The following NRG4 variants were observed in gnomAD, a reference collection of about 807,000 sequenced individuals.
NRG4 encodes neuregulin 4, also known as pro-neuregulin-4, membrane-bound isoform.
A neutral mutation model predicts 15.0 loss-of-function variants in NRG4; 10 were observed. The observed-to-expected ratio is 0.67, with a 90% CI of 0.41 to 1.13. The LOEUF is 1.13. NRG4 is among the 50% of genes most tolerant of loss of function. NRG4 has a pLI of 0.00. For synonymous variants in NRG4, 41 were observed against 50.1 expected, an observed-to-expected ratio of 0.82 and a Z score of 0.77; for missense variants, 139 against 140.2, an observed-to-expected ratio of 0.99 and a Z score of 0.04.
chr15:76,023,919 A>C (rs1052399941), intron 5 of NRG4, among the ~76,000 whole-genome samples: 3 of 152,246 alleles, frequency 2.0e-5, no homozygotes, highest in Admixed American at 6.5e-5. Context: ...GCTAAGCATG[A>C]AAGGACTCGG....
intron 3 of NRG4, among the ~76,000 whole-genome samples, chr15:75,993,709 A>T (rs2034113544): frequency 6.6e-6 from 1 of 152,032 alleles, no homozygotes; most frequent in African/African-American, 2.4e-5. Context: ...AAAAAAAAAA[A>T]AATCTGTTTT....
intron 3 of NRG4, among the ~76,000 whole-genome samples, chr15:75,990,376 G>A (rs1026263402): frequency 3.9e-5 from 6 of 152,052 alleles, no homozygotes; most frequent in African/African-American, 1.2e-4. Flanking sequence ...TCTGCACCAC[G>A]GTCCAGAGCG....
intron 3 of NRG4, among the ~76,000 whole-genome samples, chr15:75,989,594 A>G (rs2033930937): frequency 6.6e-6 from 1 of 152,136 alleles, no homozygotes; most frequent in Non-Finnish European, 1.5e-5. Flanking sequence ...TAATTTGTTA[A>G]GCCCATCCAC....
chr15:76,020,175 C>G (rs1450462557), intron 5 of NRG4, among the ~76,000 whole-genome samples: 2 of 152,156 alleles, frequency 1.3e-5, no homozygotes. Flanking sequence ...GCTCCATTGA[C>G]CGACCGTTCC....
chr15:75,944,809 A>G (rs930273575), intron 5 of NRG4, among the ~76,000 whole-genome samples: 2 of 151,894 alleles, frequency 1.3e-5, no homozygotes, highest in Non-Finnish European at 2.9e-5. Flanking sequence ...TGTTGCAGTT[A>G]TTGACTGAGA....
intron 3 of NRG4, among the ~76,000 whole-genome samples, chr15:75,962,897 GA>G (rs1389167577): frequency 1.3e-5 from 2 of 152,124 alleles, no homozygotes; most frequent in Non-Finnish European, 2.9e-5. Context: ...GTTTTAACCA[GA>G]TTTTGTCAAG....
intron 5 of NRG4, among the ~76,000 whole-genome samples, chr15:76,032,143 A>G (rs1371350218): frequency 6.6e-6 from 1 of 152,226 alleles, no homozygotes; most frequent in Non-Finnish European, 1.5e-5. Flanking sequence ...AACCACTTCA[A>G]TAGAGTGTTC....
intron 1 of NRG4, 66 bp from the exon 2 acceptor site, chr15:76,011,352 C>A: frequency 2.5e-6 from 2 of 791,924 alleles, no homozygotes; most frequent in Middle Eastern, 2.9e-4. Flanking sequence ...TATAAAATGT[C>A]AAATATTCTA....
At chr15:75,971,729 G>A (rs2033101006) in intron 3 of NRG4, among the ~76,000 whole-genome samples, 2 of 152,018 alleles carry the variant, frequency 1.3e-5, no homozygotes, top group Non-Finnish European at 2.9e-5. Context: ...GTGCTTTAAA[G>A]GTGCTAAACT....
intron 5 of NRG4, among the ~76,000 whole-genome samples, chr15:75,945,021 A>G (rs796829634): frequency 2.0e-5 from 3 of 152,200 alleles, no homozygotes; most frequent in African/African-American, 7.2e-5. Context: ...ATTCTAAAAA[A>G]TAAGTCCTTA....
At chr15:75,937,147 C>T (rs1360740781), downstream of NRG4, 2 of 151,288 alleles carry the variant, frequency 1.3e-5, no homozygotes, top group African/African-American at 4.9e-5. Context: ...CATAATTGAC[C>T]CCAGCGACAT....
chr15:76,055,500 G>C (rs557316217), intron 2 of NRG4, among the ~76,000 whole-genome samples: 1 of 152,172 alleles, frequency 6.6e-6, no homozygotes, highest in African/African-American at 2.4e-5. Flanking sequence ...GGACCACCAG[G>C]GTTGCGAACA....
At chr15:75,969,652 C>T (rs985849) in intron 3 of NRG4, among the ~76,000 whole-genome samples, 122,004 of 152,090 alleles carry the variant, frequency 0.8, 49,312 homozygotes, top group South Asian at 0.9. Flanking sequence ...TGTGTGCTTA[C>T]TGTAAGAACA....
chr15:75,985,323 T>G (rs1225940092), intron 3 of NRG4, among the ~76,000 whole-genome samples: 2 of 152,098 alleles, frequency 1.3e-5, no homozygotes, highest in Non-Finnish European at 2.9e-5. Flanking sequence ...CTGAAGGAAA[T>G]GAGGCACAAG....
intron 5 of NRG4, among the ~76,000 whole-genome samples, chr15:75,948,722 T>C (rs910366394): frequency 1.3e-5 from 2 of 152,128 alleles, no homozygotes; most frequent in Non-Finnish European, 2.9e-5. Context: ...CTTACTGAGG[T>C]ATAATCTACA....
chr15:76,040,559 C>T (rs562842958), intron 4 of NRG4, among the ~76,000 whole-genome samples: 1 of 152,174 alleles, frequency 6.6e-6, no homozygotes, highest in African/African-American at 2.4e-5. Context: ...TTTTATAACA[C>T]TGAACTGTGG....
intron 3 of NRG4, among the ~76,000 whole-genome samples, chr15:75,995,888 T>C (rs2034196490): frequency 6.6e-6 from 1 of 152,318 alleles, no homozygotes. Context: ...GAGAGGGTAT[T>C]GTAGCCAGAA....
rs2035575550 is a variant in NRG4, at chr15:76,035,380, G to A, written c.-57+564C>T. Among the ~76,000 whole-genome samples, 5 of 152,296 alleles carry A rather than the reference G, an allele frequency of 3.3e-5. No individual in the cohort carries two copies. In the South Asian group the frequency reaches 1.0e-3, roughly 32 times the overall value. On this transcript the variant is annotated intron_variant, in intron 5 of 8. Coordinates refer to the NRG4 transcript ENST00000563910. ...CTTAATCACTGGCAAAGGAGAACAGGATTGTTATGACTGGTTTCAACTATT... is the reference window on the plus strand; with the variant it reads ...CTTAATCACTGGCAAAGGAGAACAGAATTGTTATGACTGGTTTCAACTATT...
chr15:75,950,647 A>C (rs1210652544), intron 5 of NRG4: 3 of 213,742 alleles, frequency 1.4e-5, no homozygotes, highest in Non-Finnish European at 3.2e-5. Context: ...GCTGCTTCCC[A>C]CTTATTTTTT....
Sources: allele counts gnomAD v4.1 joint callset (sites outside exome capture counted in the v4.1 genomes callset), GRCh38; gene constraint gnomAD v4.1.1; transcripts MANE v1.5; gene names NCBI Gene and HGNC (gene_info 2026-07-23, HGNC 2026-07-21).